SLC2A14: variants seen among roughly 807,000 people sequenced by gnomAD.
SLC2A14 encodes solute carrier family 2 member 14.
A neutral mutation model predicts 43.0 loss-of-function variants in SLC2A14; 13 were observed. That is an observed-to-expected ratio of 0.30 (90% CI 0.20 to 0.48). The LOEUF (loss-of-function observed/expected upper bound fraction) is 0.48, where lower values mean the gene tolerates loss of function less well. SLC2A14 is among the 20% of genes least tolerant of loss of function. The pLI is 0.99. For synonymous variants in SLC2A14, 190 were observed against 233.8 expected, an observed-to-expected ratio of 0.81 and a Z score of 1.71; for missense variants, 428 against 620.4, an observed-to-expected ratio of 0.69 and a Z score of 3.29.
intron 3 of SLC2A14, 72 bp downstream of exon 3, chr12:7,832,650 G>C (rs1865133147): frequency 4.5e-6 from 7 of 1,556,650 alleles, no homozygotes. Flanking sequence ...CTTAAATTCT[G>C]AATTCTTGAA....
Position 7,868,837 on chromosome 12 carries a change from G to A in SLC2A14, c.18+1026C>T, listed in dbSNP as rs1362335586. Among the ~76,000 whole-genome samples, 3 of 151,948 alleles carry A rather than the reference G, an allele frequency of 2.0e-5. 1 individual carries two copies. The highest frequency in any genetic ancestry group is 4.4e-5 in the Non-Finnish European group (3 of 67,976). Reference sequence around the variant, plus strand: ...AGTCTGGCCAACATGGCGAAACCCTGTCTCTACAAAAATACAAAAAAATTA... The same window carrying A: ...AGTCTGGCCAACATGGCGAAACCCTATCTCTACAAAAATACAAAAAAATTA... On this transcript the variant is annotated intron_variant, in intron 2 of 10. Coordinates refer to ENST00000431042, the MANE Select transcript of SLC2A14 (RefSeq NM_001286234.2).
chr12:7,868,499 A>G (rs1269952606), intron 2 of SLC2A14, among the ~76,000 whole-genome samples: 2 of 152,042 alleles, frequency 1.3e-5, no homozygotes, highest in African/African-American at 4.8e-5. Context: ...ACCATTTTCT[A>G]TCCCTTTATC....
At chr12:7,861,129 G>T (rs1944530716) in intron 2 of SLC2A14, among the ~76,000 whole-genome samples, 1 of 152,018 alleles carries the variant, frequency 6.6e-6, no homozygotes, top group Non-Finnish European at 1.5e-5. Context: ...GTTGTTTAAA[G>T]AAAGAAGCAG....
At chr12:7,837,639 A>C (rs867619660) in intron 2 of SLC2A14, among the ~76,000 whole-genome samples, 6 of 11,520 alleles carry the variant, frequency 5.2e-4, no homozygotes, top group African/African-American at 1.1e-3. Context: ...ACTTCGTCTC[A>C]AAAAAAAAAA....
chr12:7,874,251 CAT>C (rs1412153947), upstream of SLC2A14, among the ~76,000 whole-genome samples: 2 of 152,126 alleles, frequency 1.3e-5, no homozygotes, highest in African/African-American at 4.8e-5. Context: ...TTTATTAGAA[CAT>C]ATGGCTACCC....
chr12:7,835,093 G>A (rs7306216), intron 2 of SLC2A14, among the ~76,000 whole-genome samples: 1 of 150,146 alleles, frequency 6.7e-6, no homozygotes. Context: ...TCTTTCTGTA[G>A]CTCTATTAAA....
chr12:7,818,489 T>G (rs1565494399), intron 9 of SLC2A14, among the ~76,000 whole-genome samples: 2 of 152,018 alleles, frequency 1.3e-5, no homozygotes, highest in African/African-American at 4.8e-5. Flanking sequence ...GGTGAAACCC[T>G]GTCTCTACTA....
upstream of SLC2A14, among the ~76,000 whole-genome samples, chr12:7,874,936 ATT>A (rs1453930781): frequency 4.4e-5 from 1 of 22,770 alleles, no homozygotes; most frequent in African/African-American, 1.8e-4. Flanking sequence ...TTTATATATA[ATT>A]TATATATAAA....
At chr12:7,821,673 G>C (rs1863920270) in intron 7 of SLC2A14, among the ~76,000 whole-genome samples, 1 of 152,044 alleles carries the variant, frequency 6.6e-6, no homozygotes, top group African/African-American at 2.4e-5. Flanking sequence ...TACAATTTTT[G>C]TTCAATCCTA....
intron 1 of SLC2A14, among the ~76,000 whole-genome samples, chr12:7,882,210 A>G (rs1945591561): frequency 6.6e-6 from 1 of 151,934 alleles, no homozygotes; most frequent in Non-Finnish European, 1.5e-5. Flanking sequence ...GAAGCCGGTA[A>G]GACCAGAAGC....
chr12:7,852,146 A>G (rs1866985223), intron 2 of SLC2A14, among the ~76,000 whole-genome samples: 1 of 152,180 alleles, frequency 6.6e-6, no homozygotes, highest in Non-Finnish European at 1.5e-5. Flanking sequence ...AGGATTACTT[A>G]CCTCCTCAAG....
At chr12:7,835,290 GA>G (rs1280687125) in intron 2 of SLC2A14, among the ~76,000 whole-genome samples, 7 of 152,290 alleles carry the variant, frequency 4.6e-5, no homozygotes, top group African/African-American at 1.7e-4. Context: ...AGGAGACTGA[GA>G]CAGGAGAATT....
At chr12:7,848,402 C>T (rs1317616519) in intron 2 of SLC2A14, among the ~76,000 whole-genome samples, 1 of 151,682 alleles carries the variant, frequency 6.6e-6, no homozygotes, top group Non-Finnish European at 1.5e-5. Flanking sequence ...TTTACAATTC[C>T]CTTTCTTGTT....
At chr12:7,871,963 AAAAC>A (rs1945258313) in intron 1 of SLC2A14, 2 of 958,290 alleles carry the variant, frequency 2.1e-6, no homozygotes, top group South Asian at 9.6e-5. Context: ...GCATGGAAAA[AAAAC>A]AAAAAAAAGA....
chr12:7,826,712 C>T (rs1864380265), intron 7 of SLC2A14, among the ~76,000 whole-genome samples: 1 of 152,012 alleles, frequency 6.6e-6, no homozygotes, highest in African/African-American at 2.4e-5. Flanking sequence ...TTCTGTTTTG[C>T]CGCCCTCTTT....
At chr12:7,884,017 G>A (rs948229952) in intron 1 of SLC2A14, among the ~76,000 whole-genome samples, 4 of 149,340 alleles carry the variant, frequency 2.7e-5, no homozygotes, top group Non-Finnish European at 5.9e-5. Flanking sequence ...TCTGCTTCCC[G>A]GGTTCACGCC....
intron 1 of SLC2A14, among the ~76,000 whole-genome samples, chr12:7,884,760 G>C (rs1228020144): frequency 6.6e-6 from 1 of 152,154 alleles, no homozygotes; most frequent in African/African-American, 2.4e-5. Flanking sequence ...TCCAGAGCAA[G>C]GTTCTATTTT....
intron 7 of SLC2A14, among the ~76,000 whole-genome samples, chr12:7,827,045 T>TTCTCTCTCTCTCTTTCTC (rs1864531453): frequency 1.4e-5 from 2 of 141,478 alleles, no homozygotes; most frequent in African/African-American, 2.6e-5. Flanking sequence ...TTTCTCTCCT[T>TTCTCTCTCTCTCTTTCTC]TCTCTCTCTC....
At chr12:7,835,132 C>T (rs948647957) in intron 2 of SLC2A14, among the ~76,000 whole-genome samples, 3 of 150,138 alleles carry the variant, frequency 2.0e-5, no homozygotes, top group Admixed American at 6.6e-5. Flanking sequence ...ATGTGAGGTG[C>T]GATGGGTAAA....
Sources: gnomAD v4.1 joint callset for allele counts (sites outside exome capture counted in the v4.1 genomes callset) on GRCh38, gnomAD v4.1.1 for gene constraint, MANE v1.5 for transcripts, NCBI Gene and HGNC (gene_info 2026-07-23, HGNC 2026-07-21) for gene names.